The following ZBTB20 variants were observed in gnomAD, a reference collection of about 807,000 sequenced individuals.
The protein encoded by ZBTB20 is zinc finger and BTB domain-containing protein 20.
ZBTB20 carries 9 observed loss-of-function variants against 56.9 expected under a neutral mutation model. The observed-to-expected ratio is 0.16, with a 90% confidence interval of 0.10 to 0.28. The LOEUF (loss-of-function observed/expected upper bound fraction) is 0.28. Among genes scored for constraint, ZBTB20 ranks in the 10% least tolerant of loss-of-function variants. The pLI, the probability that ZBTB20 is intolerant of heterozygous loss-of-function variation, is 1.00. For synonymous variants in ZBTB20, 417 were observed against 420.7 expected (o/e 0.99, Z 0.11); for missense variants, 655 against 1,003.0 (o/e 0.65, Z 4.69).
At chr3:114,771,334 ATTAC>A (rs1413893933) in intron 5 of ZBTB20, among the ~76,000 whole-genome samples, 1 of 152,190 alleles carries the variant, frequency 6.6e-6, no homozygotes, top group Non-Finnish European at 1.5e-5. Context: ...TTGATTTGTG[ATTAC>A]TTAATTAGAT....
chr3:114,969,259 G>A (rs1369183087), intron 3 of ZBTB20, among the ~76,000 whole-genome samples: 2 of 152,152 alleles, frequency 1.3e-5, no homozygotes, highest in African/African-American at 4.8e-5. Context: ...GAAGAAAGGA[G>A]GGAGGATTGA....
chr3:114,626,355 T>C (rs1449141877), intron 6 of ZBTB20, among the ~76,000 whole-genome samples: 2 of 152,222 alleles, frequency 1.3e-5, no homozygotes, highest in Admixed American at 6.5e-5. Context: ...CATGGAATCA[T>C]TGTAAGCACT....
intron 6 of ZBTB20, among the ~76,000 whole-genome samples, chr3:114,685,959 C>A (rs970956144): frequency 5.3e-5 from 8 of 152,040 alleles, no homozygotes; most frequent in Admixed American, 1.3e-4. Flanking sequence ...TTAAAAAAAT[C>A]TTTTTTCAAA....
intron 6 of ZBTB20, among the ~76,000 whole-genome samples, chr3:114,617,739 T>C (rs1329682124): frequency 6.6e-6 from 1 of 152,194 alleles, no homozygotes; most frequent in Non-Finnish European, 1.5e-5. Flanking sequence ...TTGTTGTCAC[T>C]CAAACTTTCC....
At chr3:114,409,512 G>C (rs926911825) in intron 7 of ZBTB20, among the ~76,000 whole-genome samples, 5 of 152,064 alleles carry the variant, frequency 3.3e-5, no homozygotes, top group Admixed American at 6.6e-5. Flanking sequence ...CTGAAGGAAG[G>C]GGGTGGGGGA....
intron 3 of ZBTB20, chr3:114,931,170 A>G: frequency 5.1e-6 from 1 of 197,780 alleles, no homozygotes; most frequent in Non-Finnish European, 1.1e-5. Flanking sequence ...ACTGGGGTGC[A>G]GGAGCACAAG....
chr3:114,665,883 C>T (rs567655316), intron 6 of ZBTB20, among the ~76,000 whole-genome samples: 7 of 152,148 alleles, frequency 4.6e-5, no homozygotes, highest in South Asian at 2.1e-4. Context: ...ATTTTTCCCA[C>T]GCTCTGAGTT....
chr3:114,719,025 CA>C, intron 5 of ZBTB20, among the ~76,000 whole-genome samples: 1 of 151,798 alleles, frequency 6.6e-6, no homozygotes, highest in South Asian at 2.1e-4. Flanking sequence ...AGTTATCTCA[CA>C]GGTTAAATAT....
intron 4 of ZBTB20, among the ~76,000 whole-genome samples, chr3:114,826,622 C>CT (rs780629129): frequency 3.5e-4 from 53 of 151,768 alleles, no homozygotes; most frequent in Admixed American, 7.2e-4. Flanking sequence ...GGTCCCTCCA[C>CT]TTTTTTTCAG....
intron 4 of ZBTB20, among the ~76,000 whole-genome samples, chr3:114,811,152 A>G (rs2072489606): frequency 6.6e-6 from 1 of 152,222 alleles, no homozygotes; most frequent in African/African-American, 2.4e-5. Flanking sequence ...ATACAAAACA[A>G]TAATAGCTCA....
At chr3:114,697,964 TG>T (rs1210088224) in intron 5 of ZBTB20, among the ~76,000 whole-genome samples, 1 of 152,132 alleles carries the variant, frequency 6.6e-6, no homozygotes, top group African/African-American at 2.4e-5. Context: ...TAAGGATTAC[TG>T]GCAGGTGAAT....
chr3:114,919,810 C>T (rs2075889052), intron 3 of ZBTB20, among the ~76,000 whole-genome samples: 1 of 151,906 alleles, frequency 6.6e-6, no homozygotes, highest in African/African-American at 2.4e-5. Context: ...TTAAATTCTC[C>T]AATCAAAATA....
At chr3:114,411,448 T>C (rs2087940068) in intron 7 of ZBTB20, among the ~76,000 whole-genome samples, 1 of 152,216 alleles carries the variant, frequency 6.6e-6, no homozygotes, top group African/African-American at 2.4e-5. Flanking sequence ...TTGAAAGTTT[T>C]AAATTACAGG....
rs555239479 is a variant in ZBTB20 at position 114,477,981 on chromosome 3, CTT to C, written c.-255+22369_-255+22370del. ...ACCCTCCCTCTCTCTCTCTCTCTCTCTTTCTTTCTTTTTTTTGAGGCAGAGTT... is the reference window on the plus strand; with the variant it reads ...ACCCTCCCTCTCTCTCTCTCTCTCTCTCTTTCTTTTTTTTGAGGCAGAGTT... On this transcript the variant is annotated intron_variant, in intron 7 of 11. Coordinates refer to ENST00000675478, the MANE Select transcript of ZBTB20 (RefSeq NM_001348800.3). Among the ~76,000 whole-genome samples the C allele has an allele frequency of 8.5e-3, 883 of 104,488 alleles. 5 individuals are homozygous for C. Among genetic ancestry groups the C allele is most frequent in the Admixed American group, 0.012 (100 of 8,024 alleles). The allele number at this position is 104,488 out of a possible 152,430, so 68.5% of individuals were successfully genotyped here.
rs1300530110 is a variant in ZBTB20 at position 114,337,403 on chromosome 3, T to A, written c.*1602A>T. On this transcript the variant is annotated 3_prime_UTR_variant, in exon 12 of 12. Coordinates refer to ENST00000675478, the MANE Select transcript of ZBTB20 (RefSeq NM_001348800.3). ...TCAAGACTTCTAGACTATTAGTGTT[T>A]CACTAAGAAAAAAAGTAAAGTCAAT... 6.6e-6 allele frequency: 1 copy of A among 152,176 alleles called. No homozygotes were observed. The highest frequency in any genetic ancestry group is 1.5e-5 in the Non-Finnish European group (1 of 68,032). The allele number at this position is 152,176 out of a possible 1,614,324, so 9.4% of individuals were successfully genotyped here.
At chr3:115,134,441 T>C (rs1184230230) in intron 1 of ZBTB20, among the ~76,000 whole-genome samples, 1 of 152,168 alleles carries the variant, frequency 6.6e-6, no homozygotes, top group Non-Finnish European at 1.5e-5. Context: ...GTAATTCCTA[T>C]TATTCACGTT....
At chr3:115,062,651 A>C (rs1212620994) in intron 2 of ZBTB20, among the ~76,000 whole-genome samples, 1 of 152,092 alleles carries the variant, frequency 6.6e-6, no homozygotes, top group East Asian at 1.9e-4. Flanking sequence ...GCACACTCAT[A>C]CTAGATTTTT....
At chr3:114,467,424 C>G (rs1322776368) in intron 7 of ZBTB20, among the ~76,000 whole-genome samples, 2 of 152,150 alleles carry the variant, frequency 1.3e-5, no homozygotes, top group Admixed American at 1.3e-4. Flanking sequence ...ACCATAAAAA[C>G]AGACGCTATA....
At chr3:115,092,687 T>C (rs2083242126) in intron 1 of ZBTB20, among the ~76,000 whole-genome samples, 1 of 151,950 alleles carries the variant, frequency 6.6e-6, no homozygotes, top group South Asian at 2.1e-4. Flanking sequence ...AGTGGAGCCA[T>C]AGTAACCATG....
Sources: gnomAD v4.1 joint callset for allele counts (sites outside exome capture counted in the v4.1 genomes callset) on GRCh38, gnomAD v4.1.1 for gene constraint, MANE v1.5 for transcripts, NCBI Gene and HGNC (gene_info 2026-07-23, HGNC 2026-07-21) for gene names.